The following PTPRD variants were observed in gnomAD, a reference collection of about 807,000 sequenced individuals.
PTPRD encodes protein tyrosine phosphatase receptor type D, also known as receptor-type tyrosine-protein phosphatase delta.
A neutral mutation model predicts 214.5 loss-of-function variants in PTPRD; 34 were observed. The observed-to-expected ratio is 0.16, with a 90% CI of 0.12 to 0.21. PTPRD has a LOEUF of 0.21. PTPRD is among the 10% of genes least tolerant of loss of function. PTPRD has a pLI of 1.00. For missense variants in PTPRD, 2,545 were observed against 2,398.7 expected, an observed-to-expected ratio of 1.06 and a Z score of -1.27; for synonymous variants, 1,128 against 845.7, an observed-to-expected ratio of 1.33 and a Z score of -5.79.
At chr9:9,476,356 G>T (rs2095043362) in intron 8 of PTPRD, among the ~76,000 whole-genome samples, 1 of 152,062 alleles carries the variant, frequency 6.6e-6, no homozygotes, top group African/African-American at 2.4e-5. Flanking sequence ...ATCTAGCCAG[G>T]GGCCTATTCT....
intron 1 of PTPRD, 68 bp downstream of exon 1, chr9:10,612,620 A>T (rs1321618209): frequency 6.6e-6 from 1 of 152,250 alleles, no homozygotes; most frequent in Non-Finnish European, 1.5e-5. Context: ...GAGGGGGCAA[A>T]GGAAGAAAAA....
At position 8,914,239 on chromosome 9, in the gene PTPRD, A is replaced by T. The variant is rs540361674; in HGVS notation, c.-104+104458T>A. The stretch of plus-strand genomic sequence containing the variant: ...ACAATTACTATTTTAATTATTCTTT[A>T]ATTTTAAAATAAATAAGGAAGAATG... On this transcript the variant is annotated intron_variant, in intron 11 of 45. Coordinates refer to ENST00000381196, the MANE Select transcript of PTPRD (RefSeq NM_002839.4). Among the ~76,000 whole-genome samples, 656 of 152,278 alleles carry T rather than the reference A, an allele frequency of 4.3e-3. 6 individuals carry two copies. The highest frequency in any genetic ancestry group is 0.014 in the Middle Eastern group (4 of 294).
chr9:8,758,500 A>G (rs377751547), intron 11 of PTPRD, among the ~76,000 whole-genome samples: 2 of 152,178 alleles, frequency 1.3e-5, no homozygotes, highest in East Asian at 3.9e-4. Context: ...GCCTCACCAC[A>G]TTCCAGAATA....
At chr9:9,346,494 T>G (rs1040805044) in intron 9 of PTPRD, among the ~76,000 whole-genome samples, 1 of 152,170 alleles carries the variant, frequency 6.6e-6, no homozygotes, top group Admixed American at 6.5e-5. Flanking sequence ...TACTTATTTA[T>G]GAGTGATGCT....
chr9:8,532,392 C>T (rs2075936846), intron 14 of PTPRD, among the ~76,000 whole-genome samples: 1 of 151,934 alleles, frequency 6.6e-6, no homozygotes, highest in Non-Finnish European at 1.5e-5. Flanking sequence ...ATAAAACTGC[C>T]TTGGCCATTT....
intron 9 of PTPRD, among the ~76,000 whole-genome samples, chr9:9,299,163 T>A (rs917646148): frequency 6.6e-6 from 1 of 151,738 alleles, no homozygotes; most frequent in Non-Finnish European, 1.5e-5. Context: ...GAATAGCAAA[T>A]TGATTGATCA....
intron 14 of PTPRD, among the ~76,000 whole-genome samples, chr9:8,556,463 G>A (rs992743653): frequency 2.0e-5 from 3 of 152,128 alleles, no homozygotes; most frequent in East Asian, 1.9e-4. Context: ...AAAGTATATA[G>A]AGGATATTCA....
At chr9:9,087,825 G>A (rs887827363) in intron 10 of PTPRD, among the ~76,000 whole-genome samples, 14 of 146,022 alleles carry the variant, frequency 9.6e-5, no homozygotes, top group African/African-American at 1.0e-4. Context: ...CAACACAATC[G>A]CTTGATGTCA....
At chr9:9,572,673 A>C in intron 8 of PTPRD, among the ~76,000 whole-genome samples, 1 of 149,690 alleles carries the variant, frequency 6.7e-6, no homozygotes, top group Admixed American at 6.7e-5. Context: ...TATATTATGT[A>C]TGTATAAACA....
At chr9:8,331,758 C>T (rs755825050) in intron 43 of PTPRD, 22 bp from the exon 44 acceptor site, 8 of 1,552,996 alleles carry the variant, frequency 5.2e-6, no homozygotes, top group South Asian at 3.7e-5. Context: ...AAGCCACATA[C>T]CCGGCCGCAA....
intron 2 of PTPRD, among the ~76,000 whole-genome samples, chr9:10,512,359 A>T (rs188800070): frequency 6.6e-6 from 1 of 152,068 alleles, no homozygotes; most frequent in Non-Finnish European, 1.5e-5. Flanking sequence ...ATAATCATTG[A>T]GAGAAAGTAT....
At chr9:10,466,975 G>A (rs2098998911) in intron 2 of PTPRD, among the ~76,000 whole-genome samples, 1 of 152,174 alleles carries the variant, frequency 6.6e-6, no homozygotes, top group Non-Finnish European at 1.5e-5. Flanking sequence ...AGGAAACTAT[G>A]ATAGCAAATA....
intron 32 of PTPRD, 118 bp downstream of exon 32, chr9:8,465,348 A>C: frequency 1.1e-6 from 1 of 900,824 alleles, no homozygotes; most frequent in Non-Finnish European, 1.7e-6. Flanking sequence ...TATTACACTT[A>C]ATAACAGTTC....
At position 8,733,886 on chromosome 9, in the gene PTPRD, T is replaced by C. The variant is rs1271702741; in HGVS notation, c.-43A>G. The C allele has an allele frequency of 6.5e-7, 1 of 1,542,370 alleles. No homozygotes were observed. Among genetic ancestry groups the C allele is most frequent in the Non-Finnish European group, 8.8e-7 (1 of 1,142,174 alleles). The stretch of plus-strand genomic sequence containing the variant: ...GCGTGCGCGAGCAGCTTGGAATCAC[T>C]GCCTCCGGAGCCGCAGCGAGTCTGT... On this transcript the variant is annotated 5_prime_UTR_variant, in exon 12 of 46. Coordinates refer to ENST00000381196, the MANE Select transcript of PTPRD (RefSeq NM_002839.4).
At chr9:9,130,679 T>C (rs116475761) in intron 10 of PTPRD, among the ~76,000 whole-genome samples, 33 of 152,300 alleles carry the variant, frequency 2.2e-4, no homozygotes, top group African/African-American at 7.9e-4. Context: ...GTAATATTAT[T>C]TGGTTCCTAC....
chr9:10,470,142 G>A (rs2131662718), intron 2 of PTPRD, among the ~76,000 whole-genome samples: 1 of 152,076 alleles, frequency 6.6e-6, no homozygotes, highest in East Asian at 1.9e-4. Context: ...ACAAACAAAT[G>A]ACAAATGTTT....
intron 11 of PTPRD, among the ~76,000 whole-genome samples, chr9:8,826,968 C>T (rs748564334): frequency 7.2e-5 from 11 of 152,008 alleles, no homozygotes; most frequent in South Asian, 6.2e-4. Flanking sequence ...TGCTCTTTCT[C>T]CCCTTGTTTA....
At position 9,920,050 on chromosome 9, in the gene PTPRD, A is replaced by C. The variant is rs149590246; in HGVS notation, c.-368+18457T>G. On this transcript the variant is annotated intron_variant, in intron 5 of 45. Coordinates refer to ENST00000381196, the MANE Select transcript of PTPRD (RefSeq NM_002839.4). ...TTACAATAAACGGGATTTAACCCAT[A>C]AGCAGCAATGTTAGCAATTTTCAAA... is the stretch of plus-strand genomic sequence containing the variant. 3.0e-3 allele frequency among the ~76,000 whole-genome samples: 453 copies of C among 152,244 alleles called. 2 individuals carry two copies. The highest frequency in any genetic ancestry group is 0.01 in the African/African-American group (426 of 41,542).
chr9:8,331,764 C>A (rs772284583), intron 43 of PTPRD, 28 bp from the exon 44 acceptor site: 7 of 1,544,104 alleles, frequency 4.5e-6, no homozygotes, highest in Admixed American at 2.1e-5. Context: ...CATACCCGGC[C>A]GCAAAGGAAG....
Sources: allele counts gnomAD v4.1 joint callset (sites outside exome capture counted in the v4.1 genomes callset), GRCh38; gene constraint gnomAD v4.1.1; transcripts MANE v1.5; gene names NCBI Gene and HGNC (gene_info 2026-07-23, HGNC 2026-07-21).